CRLF3: variants seen among roughly 807,000 people sequenced by gnomAD.
The protein encoded by CRLF3 is cytokine receptor like factor 3, also known as cytokine receptor-like factor 3.
A neutral mutation model predicts 55.0 loss-of-function variants in CRLF3; 33 were observed. That is an observed-to-expected ratio of 0.60 (90% confidence interval 0.46 to 0.80). CRLF3 has a LOEUF of 0.80. CRLF3 is among the 30% of genes least tolerant of loss of function. CRLF3 has a pLI of 0.00. For synonymous variants in CRLF3, 238 were observed against 196.8 expected (o/e 1.21, Z -1.75); for missense variants, 494 against 538.4 (o/e 0.92, Z 0.82).
At chr17:30,800,667 C>T (rs902082825) in intron 2 of CRLF3, among the ~76,000 whole-genome samples, 4 of 151,520 alleles carry the variant, frequency 2.6e-5, no homozygotes, top group African/African-American at 9.7e-5. Flanking sequence ...CAGGGTCTTG[C>T]TCTGTTGCCC....
chr17:30,824,390 T>TC, intron 1 of CRLF3, 133 bp downstream of exon 1: 1 of 874,222 alleles, frequency 1.1e-6, no homozygotes, highest in Middle Eastern at 2.5e-4. Flanking sequence ...CCATTAGGTC[T>TC]CCTTTCAAAT....
chr17:30,786,982 G>A (rs1191721959), intron 6 of CRLF3, among the ~76,000 whole-genome samples: 1 of 152,082 alleles, frequency 6.6e-6, no homozygotes, highest in Non-Finnish European at 1.5e-5. Flanking sequence ...TTAGAGGCGT[G>A]AGCCACCACA....
chr17:30,792,785 A>G lies in CRLF3; in HGVS notation c.827-213T>C, dbSNP rs561054971. 4 of 337,760 alleles carry G rather than the reference A, an allele frequency of 1.2e-5. No homozygotes were observed. In the Admixed American group the frequency reaches 1.9e-4, roughly 16 times the overall value. The allele number at this position is 337,760 out of a possible 1,614,324, so 20.9% of individuals were successfully genotyped here. ...TTCCTGCATAATTTTGACATAATAA[A>G]TCACACAAGTGTTATCTCTTATCTA... is the stretch of plus-strand genomic sequence containing the variant. On this transcript the variant is annotated intron_variant, in intron 5 of 7. Coordinates refer to ENST00000324238, the MANE Select transcript of CRLF3 (RefSeq NM_015986.4).
At chr17:30,799,837 CA>C (rs1379714355) in intron 2 of CRLF3, among the ~76,000 whole-genome samples, 4 of 152,116 alleles carry the variant, frequency 2.6e-5, no homozygotes, top group Non-Finnish European at 5.9e-5. Flanking sequence ...AACAAATGAT[CA>C]GTCCTCAGGG....
chr17:30,803,402 C>T (rs1170150684), intron 2 of CRLF3, among the ~76,000 whole-genome samples: 2 of 152,140 alleles, frequency 1.3e-5, no homozygotes, highest in Non-Finnish European at 2.9e-5. Context: ...TCCTATATTA[C>T]AAACTGTCTC....
chr17:30,824,653 T>G lies in CRLF3; in HGVS notation c.-2A>C. On this transcript the variant is annotated 5_prime_UTR_variant, in exon 1 of 8. Coordinates refer to ENST00000324238, the MANE Select transcript of CRLF3 (RefSeq NM_015986.4). ...CTCCAGCTCCATCGCCCCCCTCATC[T>G]GGCCGCGCGGCCGGCGAAACCTAGC... 6.3e-7 allele frequency: 1 copy of G among 1,589,168 alleles called. No homozygotes were observed. Among genetic ancestry groups the G allele is most frequent in the Non-Finnish European group, 8.5e-7 (1 of 1,173,126 alleles).
chr17:30,796,162 T>C lies in CRLF3; in HGVS notation c.601A>G (p.Lys201Glu). Residue 201 changes from lysine (K) to glutamate (E), a missense_variant and splice_region_variant, in exon 4 of 8, where the codon AAG becomes GAG. Lys to Glu is a moderately conservative substitution (Grantham distance 56, BLOSUM62 1). Transcript: ENST00000324238. Reference protein sequence around the residue: ...KPGGIIVRWCKVDDDFTAQDY... With the variant: ...KPGGIIVRWCEVDDDFTAQDY... ...TTCTAGAATTCTGAATTACATACCTTACACCATCGTACAATGATGCCTCCA... is the reference window on the plus strand; with the variant it reads ...TTCTAGAATTCTGAATTACATACCTCACACCATCGTACAATGATGCCTCCA... 6.2e-7 allele frequency: 1 copy of C among 1,608,394 alleles called. No homozygotes were observed. Among genetic ancestry groups the C allele is most frequent in the Non-Finnish European group, 8.5e-7 (1 of 1,176,678 alleles).
intron 2 of CRLF3, among the ~76,000 whole-genome samples, chr17:30,798,675 C>G (rs1017102629): frequency 1.3e-5 from 2 of 151,918 alleles, no homozygotes; most frequent in Non-Finnish European, 2.9e-5. Flanking sequence ...CCCGTCTCTA[C>G]TAAAAATACA....
chr17:30,811,667 G>A (rs1904628225), intron 1 of CRLF3, among the ~76,000 whole-genome samples: 1 of 149,948 alleles, frequency 6.7e-6, no homozygotes, highest in Non-Finnish European at 1.5e-5. Flanking sequence ...AGCTGGTCAT[G>A]GTGGCGGGCA....
chr17:30,785,624 TA>T (rs1971625107), intron 7 of CRLF3, among the ~76,000 whole-genome samples: 1 of 147,408 alleles, frequency 6.8e-6, no homozygotes, highest in South Asian at 2.3e-4. Flanking sequence ...AAAGTAAAAA[TA>T]AAAAAAATTA....
At chr17:30,793,201 C>T (rs1474514264) in intron 5 of CRLF3, among the ~76,000 whole-genome samples, 1 of 151,908 alleles carries the variant, frequency 6.6e-6, no homozygotes, top group East Asian at 1.9e-4. Context: ...CAGTGCCCTA[C>T]ATAATATTTT....
rs779498125 is a variant in CRLF3 at position 30,794,073 on chromosome 17, A to G, written c.604-401T>C. ...GATCTTTAACTCCTGAGCTCAAGCA[A>G]TCTTCTCGTCTCAGCCTCTCAAAGT... On this transcript the variant is annotated intron_variant, in intron 4 of 7. Transcript: ENST00000324238. Among the ~76,000 whole-genome samples, 21 of 152,196 alleles carry G rather than the reference A, an allele frequency of 1.4e-4. 1 individual carries two copies. Among genetic ancestry groups the G allele is most frequent in the South Asian group, 1.0e-3 (5 of 4,820 alleles).
At chr17:30,790,453 AAC>A (rs1412262870) in intron 6 of CRLF3, among the ~76,000 whole-genome samples, 6 of 152,140 alleles carry the variant, frequency 3.9e-5, no homozygotes, top group Non-Finnish European at 8.8e-5. Context: ...TGGGTAGAGA[AAC>A]AACATTAATT....
chr17:30,820,752 T>C (rs1042484714), intron 1 of CRLF3, among the ~76,000 whole-genome samples: 10 of 141,884 alleles, frequency 7.0e-5, no homozygotes, highest in Non-Finnish European at 1.3e-4. Context: ...AAGGTTGCAG[T>C]GAGCTGAAGG....
At chr17:30,788,572 C>T (rs969200179) in intron 6 of CRLF3, among the ~76,000 whole-genome samples, 1 of 144,040 alleles carries the variant, frequency 6.9e-6, no homozygotes, top group East Asian at 2.0e-4. Flanking sequence ...CAGGGACTGA[C>T]TGGGATAAAT....
intron 4 of CRLF3, 43 bp from the exon 5 acceptor site, chr17:30,793,715 CT>C (rs1971860196): frequency 7.1e-7 from 1 of 1,409,704 alleles, no homozygotes; most frequent in Non-Finnish European, 9.9e-7. Flanking sequence ...CAGAAAATGA[CT>C]TCTCTCAGCA....
At chr17:30,788,163 C>G (rs1472267267) in intron 6 of CRLF3, among the ~76,000 whole-genome samples, 4 of 151,026 alleles carry the variant, frequency 2.6e-5, no homozygotes, top group Non-Finnish European at 5.9e-5. Context: ...CCCGTCTCTA[C>G]TAAAAATACA....
Position 30,792,507 on chromosome 17 carries a change from A to C in CRLF3, c.892T>G (p.Ser298Ala). 11 of 1,613,172 alleles carry C rather than the reference A, an allele frequency of 6.8e-6. No homozygotes were observed. Among genetic ancestry groups the C allele is most frequent in the Non-Finnish European group, 9.3e-6 (11 of 1,179,158 alleles). ...GAGTAGAGAACACCCGATGATTCAG[A>C]ATCGTTCCGAAGTGCTATATTTCTT... The part of the protein sequence containing the change: ...SRRNIALRND[S>A]ESSGVLYSRA... The change falls in exon 6 of 8, where the codon TCT becomes GCT. Residue 298 changes from serine (S) to alanine (A), a missense_variant. Physicochemically the swap from Ser to Ala is moderately conservative, Grantham distance 99. Transcript: ENST00000324238.
chr17:30,791,643 G>T (rs1032941131), intron 6 of CRLF3, among the ~76,000 whole-genome samples: 26 of 142,136 alleles, frequency 1.8e-4, no homozygotes, highest in African/African-American at 6.1e-4. Context: ...TCAGCCTCCC[G>T]AGTAGCTGGG....
Sources: allele counts gnomAD v4.1 joint callset (sites outside exome capture counted in the v4.1 genomes callset), GRCh38; gene constraint gnomAD v4.1.1; transcripts MANE v1.5; gene names NCBI Gene and HGNC (gene_info 2026-07-23, HGNC 2026-07-21).